Variants in LNX1 observed in about 807,000 individuals in gnomAD.
LNX1 encodes the protein E3 ubiquitin-protein ligase LNX.
In LNX1, 54 loss-of-function variants were observed where a neutral mutation model predicts 68.4. The ratio of observed to expected loss-of-function variants is 0.79; its 90% CI spans 0.63 to 0.99. LNX1 has a LOEUF of 0.99. LNX1 is among the 50% of genes least tolerant of loss of function. LNX1 has a pLI of 0.00. For synonymous variants in LNX1, 336 were observed against 350.0 expected (o/e 0.96, Z 0.45); for missense variants, 906 against 926.4 (o/e 0.98, Z 0.29).
chr4:53,461,350 C>T (rs1447671476), intron 10 of LNX1, 85 bp downstream of exon 10: 4 of 1,071,504 alleles, frequency 3.7e-6, no homozygotes, highest in South Asian at 3.0e-5. Context: ...ATAATAAATA[C>T]ATGCCTTATC....
chr4:53,605,890 A>T (rs1733210926), intron 2 of LNX1, among the ~76,000 whole-genome samples: 1 of 152,214 alleles, frequency 6.6e-6, no homozygotes, highest in African/African-American at 2.4e-5. Flanking sequence ...CAACATGGGA[A>T]TGCAGCAATC....
intron 2 of LNX1, among the ~76,000 whole-genome samples, chr4:53,546,109 A>T (rs1023370326): frequency 1.3e-5 from 2 of 152,212 alleles, no homozygotes; most frequent in Non-Finnish European, 2.9e-5. Flanking sequence ...ACTGGGCCAG[A>T]GGCCACATTT....
intron 1 of LNX1, among the ~76,000 whole-genome samples, chr4:53,638,336 A>G (rs1174211120): frequency 2.0e-5 from 3 of 152,234 alleles, no homozygotes; most frequent in Non-Finnish European, 4.4e-5. Context: ...ATATAGGTAT[A>G]GTCAATTGGT....
Position 53,460,871 on chromosome 4 carries a change from G to T in LNX1, c.*36C>A. On this transcript the variant is annotated 3_prime_UTR_variant, in exon 11 of 11. Coordinates refer to ENST00000263925, the MANE Select transcript of LNX1 (RefSeq NM_001126328.3). Reference sequence around the variant, plus strand: ...AGTGTTTCAACTTCTTAGCCTATTTGTGATTTTTCTGTTTTCCTCTGACCC... The same window carrying T: ...AGTGTTTCAACTTCTTAGCCTATTTTTGATTTTTCTGTTTTCCTCTGACCC... The T allele has an allele frequency of 1.3e-6, 2 of 1,552,226 alleles. No individual in the cohort carries two copies. Among genetic ancestry groups the T allele is most frequent in the East Asian group, 2.3e-5 (1 of 43,838 alleles).
chr4:53,538,421 A>C (rs546788721), intron 2 of LNX1, among the ~76,000 whole-genome samples: 1 of 152,144 alleles, frequency 6.6e-6, no homozygotes, highest in Non-Finnish European at 1.5e-5. Flanking sequence ...CACTAACTCC[A>C]AGGAAAATTA....
intron 9 of LNX1, among the ~76,000 whole-genome samples, chr4:53,469,197 T>C (rs1722949278): frequency 6.6e-6 from 1 of 152,002 alleles, no homozygotes; most frequent in South Asian, 2.1e-4. Context: ...CACTCAAAAC[T>C]GCTCAACTAC....
intron 1 of LNX1, among the ~76,000 whole-genome samples, chr4:53,640,681 A>C (rs2109884075): frequency 6.6e-6 from 1 of 152,332 alleles, no homozygotes; most frequent in Non-Finnish European, 1.5e-5. Flanking sequence ...CAGTAGGAAC[A>C]ATTAAGACTG....
intron 9 of LNX1, among the ~76,000 whole-genome samples, chr4:53,464,213 C>A (rs950408654): frequency 1.3e-4 from 19 of 151,970 alleles, no homozygotes; most frequent in African/African-American, 3.9e-4. Context: ...AACTTCCTGG[C>A]CCCAATTTAT....
At chr4:53,505,551 C>G (rs896523795) in intron 4 of LNX1, among the ~76,000 whole-genome samples, 2 of 151,966 alleles carry the variant, frequency 1.3e-5, no homozygotes, top group Non-Finnish European at 2.9e-5. Context: ...CACGTCTGGC[C>G]CAAGTAGTAG....
intron 2 of LNX1, among the ~76,000 whole-genome samples, chr4:53,514,917 A>G (rs932090456): frequency 3.3e-5 from 5 of 152,214 alleles, no homozygotes; most frequent in African/African-American, 1.2e-4. Context: ...ATTAGGCTAA[A>G]CATTTTAATT....
At chr4:53,598,365 TGGGAC>T (rs1463976712) in intron 2 of LNX1, among the ~76,000 whole-genome samples, 1 of 151,966 alleles carries the variant, frequency 6.6e-6, no homozygotes, top group Non-Finnish European at 1.5e-5. Context: ...CCCAAGTACC[TGGGAC>T]TACAGGCATG....
intron 2 of LNX1, among the ~76,000 whole-genome samples, chr4:53,519,469 T>C (rs1290610180): frequency 6.7e-6 from 1 of 149,160 alleles, no homozygotes; most frequent in Non-Finnish European, 1.5e-5. Flanking sequence ...TCACAAGGCA[T>C]GGTACCAGGA....
chr4:53,572,992 G>T (rs370305004), intron 2 of LNX1, among the ~76,000 whole-genome samples: 60 of 152,268 alleles, frequency 3.9e-4, no homozygotes, highest in African/African-American at 1.4e-3. Context: ...GTCAAACTGG[G>T]GCACCTTTTT....
intron 1 of LNX1, among the ~76,000 whole-genome samples, chr4:53,638,129 A>G (rs2109881104): frequency 6.6e-6 from 1 of 152,298 alleles, no homozygotes; most frequent in South Asian, 2.1e-4. Flanking sequence ...ATAGGTACAG[A>G]TCTTGTCATT....
chr4:53,494,303 A>G (rs1453896182), intron 6 of LNX1, among the ~76,000 whole-genome samples: 1 of 152,148 alleles, frequency 6.6e-6, no homozygotes, highest in African/African-American at 2.4e-5. Flanking sequence ...TTCTGCCATG[A>G]TTGTGAGGCC....
intron 2 of LNX1, among the ~76,000 whole-genome samples, chr4:53,550,719 G>A (rs1282896618): frequency 7.4e-6 from 1 of 135,112 alleles, no homozygotes; most frequent in Non-Finnish European, 1.7e-5. Flanking sequence ...TTAGTATAAA[G>A]CTTTTTTAAA....
intron 1 of LNX1, among the ~76,000 whole-genome samples, chr4:53,635,945 T>TA (rs1047206580): frequency 4.6e-5 from 7 of 152,242 alleles, no homozygotes; most frequent in African/African-American, 1.7e-4. Flanking sequence ...TGTGGGCTGA[T>TA]ACGGCCAGTG....
intron 2 of LNX1, among the ~76,000 whole-genome samples, chr4:53,607,242 C>G (rs1461273432): frequency 6.6e-6 from 1 of 152,194 alleles, no homozygotes; most frequent in Non-Finnish European, 1.5e-5. Flanking sequence ...GCTCACTGAT[C>G]TGATAAACAA....
intron 1 of LNX1, among the ~76,000 whole-genome samples, chr4:53,576,615 A>G (rs891749854): frequency 5.3e-5 from 8 of 150,990 alleles, no homozygotes; most frequent in African/African-American, 2.0e-4. Flanking sequence ...GAGGGGAAAC[A>G]TTATAAAATA....
Sources: gnomAD v4.1 joint callset for allele counts (sites outside exome capture counted in the v4.1 genomes callset) on GRCh38, gnomAD v4.1.1 for gene constraint, MANE v1.5 for transcripts, NCBI Gene and HGNC (gene_info 2026-07-23, HGNC 2026-07-21) for gene names.